The following ZMYM4 variants were observed in gnomAD, a reference collection of about 807,000 sequenced individuals.
The protein encoded by ZMYM4 is zinc finger MYM-type containing 4, also known as zinc finger MYM-type protein 4.
A neutral mutation model predicts 183.2 loss-of-function variants in ZMYM4; 31 were observed. The ratio of observed to expected loss-of-function variants is 0.17; its 90% CI spans 0.13 to 0.23. ZMYM4 has a LOEUF of 0.23. ZMYM4 is among the 10% of genes least tolerant of loss of function. The pLI is 1.00. For missense variants in ZMYM4, 1,273 were observed against 1,840.3 expected, an observed-to-expected ratio of 0.69 and a Z score of 5.64; for synonymous variants, 592 against 631.2, an observed-to-expected ratio of 0.94 and a Z score of 0.93.
At chr1:35,411,360 T>C (rs1245075664) in intron 26 of ZMYM4, among the ~76,000 whole-genome samples, 1 of 151,778 alleles carries the variant, frequency 6.6e-6, no homozygotes, top group Admixed American at 6.6e-5. Context: ...TTTCACTGTG[T>C]TAGCCAGGAT....
At chr1:35,296,740 TAGTC>T (rs770249724) in intron 1 of ZMYM4, among the ~76,000 whole-genome samples, 5 of 152,096 alleles carry the variant, frequency 3.3e-5, no homozygotes, top group Non-Finnish European at 2.9e-5. Context: ...AAGTTTGAAA[TAGTC>T]AGTTTCATTC....
chr1:35,411,821 G>A lies in ZMYM4; in HGVS notation c.3949-2151G>A, dbSNP rs578064078. Among the ~76,000 whole-genome samples, 18 of 152,162 alleles carry A rather than the reference G, an allele frequency of 1.2e-4. No homozygotes were observed. The South Asian group carries it at 2.9e-3, about 25-fold the overall frequency. On this transcript the variant is annotated intron_variant, in intron 26 of 29. Coordinates refer to ENST00000314607, the MANE Select transcript of ZMYM4 (RefSeq NM_005095.3). ...AAGTGTGTAAGTCTTACAACATTTT[G>A]GTTACATTTCTTCTCAAGTATTTTA...
intron 5 of ZMYM4, 143 bp from the exon 6 acceptor site, chr1:35,369,886 T>G: frequency 2.0e-6 from 1 of 490,418 alleles, no homozygotes; most frequent in Non-Finnish European, 3.5e-6. Flanking sequence ...GTTTGCTTGC[T>G]GTTTTGTACT....
chr1:35,317,117 C>G (rs1486787263), intron 1 of ZMYM4, among the ~76,000 whole-genome samples: 1 of 130,288 alleles, frequency 7.7e-6, no homozygotes, highest in Non-Finnish European at 1.6e-5. Context: ...AGCGAGACTT[C>G]ATCTCAAAAA....
intron 1 of ZMYM4, among the ~76,000 whole-genome samples, chr1:35,275,999 C>G (rs1176138924): frequency 2.6e-5 from 4 of 152,146 alleles, no homozygotes; most frequent in African/African-American, 9.7e-5. Flanking sequence ...CTCCTAGAAG[C>G]TTTAATTAGC....
rs1231494567 is a variant in ZMYM4, at chr1:35,398,847, T to G, written c.3254-17T>G. ...CTATTTTATTTTGAGGGCTTAATTG[T>G]TATCTATATATTTCAGACCAAGGAA... is the stretch of plus-strand genomic sequence containing the variant. On this transcript the variant is annotated splice_polypyrimidine_tract_variant and intron_variant, in intron 21 of 29. Transcript: ENST00000314607. The G allele has an allele frequency of 6.2e-7, 1 of 1,609,792 alleles. No individual in the cohort carries two copies. The highest frequency in any genetic ancestry group is 8.5e-7 in the Non-Finnish European group (1 of 1,176,994).
chr1:35,389,120 G>A lies in ZMYM4; in HGVS notation c.2436+38G>A. On this transcript the variant is annotated intron_variant, in intron 14 of 29. Transcript: ENST00000314607. This position sits in a 1 kb window ranked among gnomAD's most constrained non-coding sequence, Gnocchi z 4.0. Reference sequence around the variant, plus strand: ...CACATTCCTGGGTTTTTCATTCTAGGGCATAAATTATTCCCTTTTAAAATT... The same window carrying A: ...CACATTCCTGGGTTTTTCATTCTAGAGCATAAATTATTCCCTTTTAAAATT... 4 of 1,554,634 alleles carry A rather than the reference G, an allele frequency of 2.6e-6. No individual in the cohort carries two copies. The highest frequency in any genetic ancestry group is 2.4e-5 in the South Asian group (2 of 82,182).
At chr1:35,293,324 T>C (rs1161017924) in intron 1 of ZMYM4, among the ~76,000 whole-genome samples, 1 of 152,038 alleles carries the variant, frequency 6.6e-6, no homozygotes, top group Non-Finnish European at 1.5e-5. Flanking sequence ...GTTTTTGTTT[T>C]TGTTTTTGAG....
chr1:35,340,115 A>G (rs1050261716), intron 2 of ZMYM4, among the ~76,000 whole-genome samples: 1 of 152,218 alleles, frequency 6.6e-6, no homozygotes, highest in Admixed American at 6.5e-5. Flanking sequence ...TGACAGAACA[A>G]AATCAAATAA....
chr1:35,334,848 A>T (rs1048342014), intron 2 of ZMYM4, among the ~76,000 whole-genome samples: 3 of 152,308 alleles, frequency 2.0e-5, no homozygotes, highest in African/African-American at 7.2e-5. Flanking sequence ...TGTTTTTGAC[A>T]CTTAAACATT....
At chr1:35,367,289 G>A (rs1440912318) in intron 5 of ZMYM4, among the ~76,000 whole-genome samples, 9 of 151,388 alleles carry the variant, frequency 5.9e-5, no homozygotes. Context: ...GTGCAATATT[G>A]GCTCGCTGCA....
At chr1:35,295,600 C>A (rs1229289559) in intron 1 of ZMYM4, among the ~76,000 whole-genome samples, 1 of 152,140 alleles carries the variant, frequency 6.6e-6, no homozygotes, top group East Asian at 1.9e-4. Flanking sequence ...AAAACTGCCT[C>A]CAGACATTGT....
chr1:35,377,552 A>G (rs557103819), intron 7 of ZMYM4, among the ~76,000 whole-genome samples: 1 of 152,310 alleles, frequency 6.6e-6, no homozygotes, highest in Admixed American at 6.5e-5. Context: ...TAAAGCAATT[A>G]TCTCAATAAA....
chr1:35,272,500 A>G (rs918732791), intron 1 of ZMYM4, among the ~76,000 whole-genome samples: 1 of 152,200 alleles, frequency 6.6e-6, no homozygotes, highest in African/African-American at 2.4e-5. Context: ...TAGGAACTCA[A>G]AAGACTTGCT....
At chr1:35,394,956 T>A (rs188761561) in intron 18 of ZMYM4, among the ~76,000 whole-genome samples, 33 of 151,688 alleles carry the variant, frequency 2.2e-4, no homozygotes, top group African/African-American at 7.0e-4. Context: ...TACTAAAAAA[T>A]TTTTAAAAGT....
chr1:35,380,117 T>C (rs1644420650), intron 7 of ZMYM4, among the ~76,000 whole-genome samples: 1 of 152,174 alleles, frequency 6.6e-6, no homozygotes, highest in African/African-American at 2.4e-5. Context: ...AAGTGCAGTA[T>C]CTGTGAAGCA....
At position 35,399,587 on chromosome 1, in the gene ZMYM4, G is replaced by C; in HGVS notation, c.3528+11G>C. 6.2e-7 allele frequency: 1 copy of C among 1,613,902 alleles called. No homozygotes were observed. The highest frequency in any genetic ancestry group is 8.5e-7 in the Non-Finnish European group (1 of 1,179,890). On this transcript the variant is annotated intron_variant, in intron 23 of 29. Transcript: ENST00000314607. ...CAACCCAGACGAAGAGTAAGCTGCA[G>C]CTTAACTTTTCTAGACTTTTCTTTC...
intron 7 of ZMYM4, among the ~76,000 whole-genome samples, chr1:35,378,766 C>G (rs188760472): frequency 6.6e-6 from 1 of 152,148 alleles, no homozygotes; most frequent in Non-Finnish European, 1.5e-5. Context: ...AAGACTGTTT[C>G]TTCTACATTG....
chr1:35,317,847 T>C (rs1422051290), intron 1 of ZMYM4, among the ~76,000 whole-genome samples: 1 of 151,906 alleles, frequency 6.6e-6, no homozygotes, highest in Non-Finnish European at 1.5e-5. Context: ...TAAAGGGGAG[T>C]GTGTAGATAT....
Sources: allele counts gnomAD v4.1 joint callset (sites outside exome capture counted in the v4.1 genomes callset), GRCh38; gene constraint gnomAD v4.1.1; non-coding constraint Gnocchi (gnomAD v3.1); transcripts MANE v1.5; gene names NCBI Gene and HGNC (gene_info 2026-07-23, HGNC 2026-07-21).